COLEC10: variants seen among roughly 807,000 people sequenced by gnomAD.
COLEC10 encodes the protein collectin subfamily member 10.
A neutral mutation model predicts 28.4 loss-of-function variants in COLEC10; 22 were observed. The ratio of observed to expected loss-of-function variants is 0.78; its 90% CI spans 0.55 to 1.11. COLEC10 has a LOEUF of 1.11. Ranked by LOEUF, COLEC10 falls within the 50% of genes least tolerant of loss-of-function variation. The pLI is 0.00. For synonymous variants in COLEC10, 125 were observed against 116.1 expected, an observed-to-expected ratio of 1.08 and a Z score of -0.49; for missense variants, 361 against 344.1, an observed-to-expected ratio of 1.05 and a Z score of -0.39.
chr8:119,073,531 T>A (rs752182215), intron 1 of COLEC10, among the ~76,000 whole-genome samples: 2 of 152,298 alleles, frequency 1.3e-5, no homozygotes, highest in Non-Finnish European at 2.9e-5. Context: ...ATTTTATGCA[T>A]AAGGACAGAC....
chr8:119,070,633 C>T (rs1432338236), intron 1 of COLEC10, among the ~76,000 whole-genome samples: 1 of 149,828 alleles, frequency 6.7e-6, no homozygotes, highest in Non-Finnish European at 1.5e-5. Context: ...CCCTCTTCCC[C>T]CATCTTGGTG....
At chr8:119,055,371 A>T (rs1268322536) in intron 2 of COLEC10, among the ~76,000 whole-genome samples, 2 of 152,066 alleles carry the variant, frequency 1.3e-5, no homozygotes, top group Non-Finnish European at 2.9e-5. Flanking sequence ...GCTCTTTAGT[A>T]ACTCAATCTT....
chr8:119,086,392 G>C (rs995064762), intron 1 of COLEC10, among the ~76,000 whole-genome samples: 1 of 151,966 alleles, frequency 6.6e-6, no homozygotes, highest in Non-Finnish European at 1.5e-5. Flanking sequence ...GGGGAGGTGG[G>C]GGGGGTCCCT....
upstream of COLEC10, among the ~76,000 whole-genome samples, chr8:118,991,385 T>A (rs866413428): frequency 6.6e-6 from 1 of 152,090 alleles, no homozygotes; most frequent in African/African-American, 2.4e-5. Context: ...TTTCTCACAA[T>A]CCTCCCTGGT....
chr8:119,024,096 T>G lies in COLEC10; in HGVS notation n.235+14543T>G, dbSNP rs568821938. ...GTGTTCTCAGTTTTTCAGTCTTTCA[T>G]TCAGAAAAAGTGCCTTAAATTTTGT... is the stretch of plus-strand genomic sequence containing the variant. On this transcript the variant is annotated intron_variant and non_coding_transcript_variant, in intron 2 of 6. Transcript: ENST00000521788. Among the ~76,000 whole-genome samples, 9 of 152,240 alleles carry G rather than the reference T, an allele frequency of 5.9e-5. No individual in the cohort carries two copies. In the South Asian group the frequency reaches 1.9e-3, roughly 32 times the overall value.
chr8:119,098,887 G>T (rs1195556709), intron 3 of COLEC10, among the ~76,000 whole-genome samples: 3 of 151,994 alleles, frequency 2.0e-5, no homozygotes. Context: ...TCTGTACTTT[G>T]AAATTTATTG....
intron 2 of COLEC10, among the ~76,000 whole-genome samples, chr8:119,060,851 T>C (rs1439378204): frequency 6.6e-6 from 1 of 152,112 alleles, no homozygotes; most frequent in African/African-American, 2.4e-5. Flanking sequence ...TAACTATGAA[T>C]GGATCAGTGT....
At chr8:118,977,188 G>T in the COLEC10 span, among the ~76,000 whole-genome samples, 1 of 144,646 alleles carries the variant, frequency 6.9e-6, no homozygotes, top group Non-Finnish European at 1.5e-5. Context: ...GGAAGTCAGT[G>T]TGGCGATTCC....
intron 3 of COLEC10, among the ~76,000 whole-genome samples, chr8:119,092,194 C>T (rs62532199): frequency 0.24 from 36,626 of 151,388 alleles, 4,708 homozygotes; most frequent in Admixed American, 0.32. Context: ...ATCAGCCACC[C>T]GAGTAGCTGG....
intron 1 of COLEC10, among the ~76,000 whole-genome samples, chr8:119,080,563 C>A (rs1815347879): frequency 6.6e-6 from 1 of 152,008 alleles, no homozygotes; most frequent in Non-Finnish European, 1.5e-5. Flanking sequence ...TAACTTGAGA[C>A]AGGACTTGTG....
upstream of COLEC10, among the ~76,000 whole-genome samples, chr8:118,994,206 A>C (rs144444986): frequency 5.8e-4 from 89 of 152,284 alleles, no homozygotes; most frequent in East Asian, 0.014. Context: ...TGCCTTGACC[A>C]AGCCCCTATG....
intron 3 of COLEC10, among the ~76,000 whole-genome samples, chr8:119,099,860 T>G (rs1019496955): frequency 7.2e-5 from 11 of 152,150 alleles, no homozygotes; most frequent in African/African-American, 2.4e-4. Context: ...CATCTCTTTG[T>G]TCTCTTATGT....
the COLEC10 span, among the ~76,000 whole-genome samples, chr8:118,984,478 C>T: frequency 2.0e-5 from 3 of 151,928 alleles, no homozygotes; most frequent in East Asian, 5.8e-4. Flanking sequence ...TACCCCTGAA[C>T]CTAAAATAAA....
chr8:119,028,442 A>T (rs2200397), intron 2 of COLEC10, among the ~76,000 whole-genome samples: 32,197 of 152,064 alleles, frequency 0.21, 3,574 homozygotes, highest in East Asian at 0.37. Context: ...GAGGCCTCAG[A>T]ATCATGGTGG....
chr8:119,036,667 G>C (rs566208868), intron 2 of COLEC10, among the ~76,000 whole-genome samples: 3 of 152,218 alleles, frequency 2.0e-5, no homozygotes, highest in Admixed American at 2.0e-4. Flanking sequence ...CAACAAAGGG[G>C]TTATTTTAGT....
the COLEC10 span, among the ~76,000 whole-genome samples, chr8:118,952,598 T>C: frequency 6.6e-6 from 1 of 152,214 alleles, no homozygotes; most frequent in Non-Finnish European, 1.5e-5. Flanking sequence ...CCTTGTTATC[T>C]GGGGTAGTTA....
Position 119,096,936 on chromosome 8 carries a change from T to C in COLEC10, c.293-5412T>C, listed in dbSNP as rs866298346. Among the ~76,000 whole-genome samples the C allele has an allele frequency of 1.2e-4, 19 of 152,004 alleles. No homozygotes were observed. The Middle Eastern group carries it at 0.017, about 136-fold the overall frequency. On this transcript the variant is annotated intron_variant, in intron 3 of 5. Coordinates refer to ENST00000332843, the MANE Select transcript of COLEC10 (RefSeq NM_006438.5). ...TCTTATACTTTGCTTCACTATACCA[T>C]GGAAATAAATATACTATCTCAATAT...
intron 2 of COLEC10, among the ~76,000 whole-genome samples, chr8:119,090,870 C>A (rs1189132986): frequency 2.6e-5 from 4 of 152,192 alleles, no homozygotes; most frequent in Non-Finnish European, 4.4e-5. Context: ...TCTAACCTTT[C>A]TTTTAAACAT....
intron 2 of COLEC10, among the ~76,000 whole-genome samples, chr8:119,050,631 A>G (rs952863295): frequency 6.6e-6 from 1 of 152,228 alleles, no homozygotes; most frequent in Non-Finnish European, 1.5e-5. Flanking sequence ...TTGAATGAAT[A>G]TATCATTCTA....
Sources: gnomAD v4.1 joint callset for allele counts (sites outside exome capture counted in the v4.1 genomes callset) on GRCh38, gnomAD v4.1.1 for gene constraint, MANE v1.5 for transcripts, NCBI Gene and HGNC (gene_info 2026-07-23, HGNC 2026-07-21) for gene names.